The following NTN1 variants were observed in gnomAD, a reference collection of about 807,000 sequenced individuals.
NTN1 encodes the protein netrin 1, also known as netrin-1.
NTN1 carries 11 observed loss-of-function variants against 54.2 expected under a neutral mutation model. The ratio of observed to expected loss-of-function variants is 0.20; its 90% CI spans 0.13 to 0.34. The LOEUF (loss-of-function observed/expected upper bound fraction) is 0.34, where lower values mean the gene tolerates loss of function less well. NTN1 is among the 10% of genes least tolerant of loss of function. The probability of loss-of-function intolerance (pLI) is 1.00; values close to 1 mark genes in which losing one functional copy is unlikely to be tolerated. For missense variants in NTN1, 740 were observed against 893.1 expected (o/e 0.83, Z 2.18); for synonymous variants, 371 against 382.0 (o/e 0.97, Z 0.33).
In NTN1 at chr17:9,022,629, G is replaced by A. The variant is rs548182167; in HGVS notation, c.256G>A (p.Glu86Lys). Residue 86 changes from glutamate (E) to lysine (K), a missense_variant, in exon 2 of 7, where the codon GAG becomes AAG. Coordinates refer to ENST00000173229, the MANE Select transcript of NTN1 (RefSeq NM_004822.3). Reference protein sequence around the residue: ...RYCVVSERGEERLRSCHLCNA... With the variant: ...RYCVVSERGEKRLRSCHLCNA... The stretch of plus-strand genomic sequence containing the variant: ...CTGCGTGGTGAGCGAGCGCGGCGAG[G>A]AGCGGCTGCGCTCGTGCCACCTCTG... 3 of 1,554,792 alleles carry A rather than the reference G, an allele frequency of 1.9e-6. No homozygotes were observed. The highest frequency in any genetic ancestry group is 2.6e-6 in the Non-Finnish European group (3 of 1,150,572).
At position 9,188,635 on chromosome 17, in the gene NTN1, C is replaced by T. The variant is rs566372836; in HGVS notation, c.1411+5666C>T. 1.2e-4 allele frequency among the ~76,000 whole-genome samples: 18 copies of T among 152,184 alleles called. 1 individual carries two copies. The South Asian group carries it at 2.9e-3, about 25-fold the overall frequency. On this transcript the variant is annotated intron_variant, in intron 5 of 6. Coordinates refer to ENST00000173229, the MANE Select transcript of NTN1 (RefSeq NM_004822.3). ...TGTCTTCCTGTCGCCTCACTGGGAA[C>T]CTTTGGAGGGGATGGCGGAAGTCGT...
chr17:9,206,053 G>A (rs1474993609), intron 5 of NTN1, among the ~76,000 whole-genome samples: 1 of 152,196 alleles, frequency 6.6e-6, no homozygotes, highest in Non-Finnish European at 1.5e-5. Flanking sequence ...TGACCCCTAG[G>A]TCTGGGACTG....
intron 2 of NTN1, among the ~76,000 whole-genome samples, chr17:9,162,004 G>A (rs1211438304): frequency 1.3e-5 from 2 of 148,384 alleles, no homozygotes; most frequent in African/African-American, 2.5e-5. Context: ...AGACAGATGG[G>A]GAGGGTGTGG....
At chr17:9,088,237 T>C (rs2092096020) in intron 2 of NTN1, among the ~76,000 whole-genome samples, 1 of 152,206 alleles carries the variant, frequency 6.6e-6, no homozygotes, top group South Asian at 2.1e-4. Context: ...TGGGTGTCCA[T>C]CTGCAAGTTG....
chr17:9,158,668 G>A (rs2092349982), intron 2 of NTN1, among the ~76,000 whole-genome samples: 1 of 152,184 alleles, frequency 6.6e-6, no homozygotes. Context: ...TGGGCTGGTT[G>A]GTCATTTCAC....
At chr17:9,161,194 G>A (rs184253676) in intron 2 of NTN1, among the ~76,000 whole-genome samples, 2 of 152,164 alleles carry the variant, frequency 1.3e-5, no homozygotes, top group Non-Finnish European at 2.9e-5. Flanking sequence ...GGCTGGTGGG[G>A]TGGAGCGGGG....
intron 5 of NTN1, among the ~76,000 whole-genome samples, chr17:9,200,110 C>T (rs967864342): frequency 2.0e-5 from 3 of 152,254 alleles, no homozygotes; most frequent in Non-Finnish European, 4.4e-5. Flanking sequence ...TACAAGCATC[C>T]TTCTTTCATG....
intron 2 of NTN1, among the ~76,000 whole-genome samples, chr17:9,063,923 C>T (rs1007810214): frequency 2.0e-5 from 3 of 152,108 alleles, no homozygotes; most frequent in Non-Finnish European, 4.4e-5. Flanking sequence ...TGAGGGAAAC[C>T]CATCTCATTC....
At chr17:9,147,579 G>A (rs186730235) in intron 2 of NTN1, among the ~76,000 whole-genome samples, 10 of 152,316 alleles carry the variant, frequency 6.6e-5, no homozygotes, top group Admixed American at 3.3e-4. Context: ...CCCAGAGGCA[G>A]GAAATGTGTC....
chr17:9,089,394 G>T (rs1469113512), intron 2 of NTN1, among the ~76,000 whole-genome samples: 1 of 143,362 alleles, frequency 7.0e-6, no homozygotes, highest in African/African-American at 2.6e-5. Flanking sequence ...TAGCCTGGGC[G>T]GCAGAGCAAG....
chr17:9,227,635 A>ACACATCAAACACATCAT (rs1905634572), intron 6 of NTN1, among the ~76,000 whole-genome samples: 2 of 13,054 alleles, frequency 1.5e-4, no homozygotes, highest in African/African-American at 8.3e-4. Flanking sequence ...TATCACGCAC[A>ACACATCAAACACATCAT]CACATCAAAC....
rs1460607602 is a variant in NTN1, at chr17:9,243,875, T to C, written c.*3907T>C. On this transcript the variant is annotated 3_prime_UTR_variant, in exon 7 of 7. Coordinates refer to ENST00000173229, the MANE Select transcript of NTN1 (RefSeq NM_004822.3). ...TGGAAAAAGTTGTGGATTTTCTTTC[T>C]TTCCTTTTTTTTGGGGGGGGGTGGG... 7.3e-6 allele frequency: 1 copy of C among 136,648 alleles called. No individual in the cohort carries two copies. Among genetic ancestry groups the C allele is most frequent in the Admixed American group, 7.1e-5 (1 of 14,098 alleles). The allele number at this position is 136,648 out of a possible 1,614,324, so 8.5% of individuals were successfully genotyped here. A position where few individuals can be genotyped will look rare whatever the true frequency, so the allele number is the denominator to read the frequency against.
intron 2 of NTN1, among the ~76,000 whole-genome samples, chr17:9,079,461 C>T (rs915316756): frequency 2.6e-5 from 4 of 152,212 alleles, no homozygotes; most frequent in African/African-American, 9.7e-5. Flanking sequence ...TGAGCAGTGT[C>T]TCTTTTTTCC....
intron 2 of NTN1, among the ~76,000 whole-genome samples, chr17:9,147,961 GC>G (rs928229447): frequency 2.0e-5 from 3 of 152,142 alleles, no homozygotes; most frequent in Non-Finnish European, 4.4e-5. Context: ...CAGATTTGGG[GC>G]CACTCTGGCC....
intron 2 of NTN1, among the ~76,000 whole-genome samples, chr17:9,112,855 C>A (rs1163706713): frequency 1.3e-5 from 2 of 151,466 alleles, no homozygotes; most frequent in South Asian, 4.2e-4. Flanking sequence ...CACCCCACCC[C>A]CTTCCACAGT....
chr17:9,029,071 A>G (rs2091880882), intron 2 of NTN1, among the ~76,000 whole-genome samples: 1 of 152,026 alleles, frequency 6.6e-6, no homozygotes, highest in Non-Finnish European at 1.5e-5. Context: ...GAGCAGGCCC[A>G]CAGCATTTTG....
chr17:9,205,162 G>T (rs1444223773), intron 5 of NTN1, among the ~76,000 whole-genome samples: 1 of 152,190 alleles, frequency 6.6e-6, no homozygotes, highest in Non-Finnish European at 1.5e-5. Context: ...CCCCTGGAAG[G>T]CTGTGAACAC....
At chr17:9,078,150 G>A (rs1323118224) in intron 2 of NTN1, among the ~76,000 whole-genome samples, 1 of 152,164 alleles carries the variant, frequency 6.6e-6, no homozygotes, top group African/African-American at 2.4e-5. Context: ...CAGTGTGCTT[G>A]GTGATGGGAG....
chr17:9,164,674 C>T (rs540808281), intron 3 of NTN1, among the ~76,000 whole-genome samples: 2 of 152,258 alleles, frequency 1.3e-5, no homozygotes, highest in African/African-American at 4.8e-5. Context: ...AATGCACAGG[C>T]ATAAGTAGAA....
Sources: allele counts gnomAD v4.1 joint callset (sites outside exome capture counted in the v4.1 genomes callset), GRCh38; gene constraint gnomAD v4.1.1; transcripts MANE v1.5; gene names NCBI Gene and HGNC (gene_info 2026-07-23, HGNC 2026-07-21).